The following LZTS2 variants were observed in gnomAD, a reference collection of about 807,000 sequenced individuals.
LZTS2 encodes leucine zipper tumor suppressor 2.
Under a neutral mutation model 60.6 loss-of-function variants are expected in LZTS2, and 32 were observed. The observed-to-expected ratio is 0.53, with a 90% CI of 0.40 to 0.71. LZTS2 has a LOEUF of 0.71. LZTS2 is among the 30% of genes least tolerant of loss of function. The probability of loss-of-function intolerance (pLI) is 0.00; values close to 1 mark genes in which losing one functional copy is unlikely to be tolerated. For synonymous variants in LZTS2, 360 were observed against 393.1 expected, an observed-to-expected ratio of 0.92 and a Z score of 1.00; for missense variants, 792 against 901.9, an observed-to-expected ratio of 0.88 and a Z score of 1.56.
At chr10:100,999,336 G>T (rs189674171), upstream of LZTS2, 781 of 152,388 alleles carry the variant, frequency 5.1e-3, 8 homozygotes, top group Non-Finnish European at 6.4e-3. Flanking sequence ...CGCGGATCGA[G>T]CCTCGGCCTC....
chr10:101,003,528 C>T (rs376515925), exon 2 of LZTS2: 16 of 1,519,138 alleles, frequency 1.1e-5, no homozygotes, highest in Non-Finnish European at 7.9e-6. Flanking sequence ...GATCCTGATC[C>T]GCCCAACAGC....
exon 1 of LZTS2, chr10:101,002,559 G>C (rs767909879): frequency 3.3e-6 from 5 of 1,531,332 alleles, no homozygotes; most frequent in African/African-American, 1.4e-5. Context: ...TGCAGACTCT[G>C]CCAGTGCCAC....
exon 4 of LZTS2, chr10:101,007,460 G>T (rs1224985287): frequency 4.8e-6 from 7 of 1,457,624 alleles, no homozygotes; most frequent in Non-Finnish European, 6.4e-6. Flanking sequence ...GTTCACAGGC[G>T]CTTCCAGCCC....
exon 4 of LZTS2, chr10:101,007,361 G>A (rs776047541): frequency 2.4e-5 from 34 of 1,416,424 alleles, no homozygotes; most frequent in African/African-American, 2.9e-5. Context: ...AGATCAGACC[G>A]CTCAAAGGTC....
At chr10:101,004,036 C>G (rs1160521639) in exon 2 of LZTS2, 4 of 1,613,174 alleles carry the variant, frequency 2.5e-6, no homozygotes, top group Admixed American at 1.7e-5. Context: ...CGCTCACCAC[C>G]ACCCCCGCCT....
At chr10:101,006,948 A>G in exon 4 of LZTS2, 1 of 1,547,114 alleles carries the variant, frequency 6.5e-7, no homozygotes, top group South Asian at 1.2e-5. Flanking sequence ...GACAGCTTTG[A>G]GGGGGAGCGG....
upstream of LZTS2, chr10:100,996,781 G>A (rs1409208899): frequency 1.3e-5 from 2 of 152,326 alleles, no homozygotes; most frequent in Admixed American, 1.3e-4. Flanking sequence ...AGAGTGGACC[G>A]GGTTGGGCTC....
exon 1 of LZTS2, chr10:101,002,532 T>C (rs200639493): frequency 1.3e-4 from 199 of 1,510,228 alleles, no homozygotes; most frequent in Middle Eastern, 3.6e-4. Context: ...CCTGAGCCTC[T>C]GCCACCATGG....
chr10:101,003,450 A>G (rs1590035195), intron 1 of LZTS2, 57 bp from the exon 3 acceptor site: 2 of 1,498,088 alleles, frequency 1.3e-6, no homozygotes, highest in East Asian at 4.6e-5. Context: ...GGAGTGTCAT[A>G]AGGGCTCTGC....
chr10:101,003,608 C>G lies in LZTS2; in HGVS notation c.510C>G (p.Thr170=), dbSNP rs748725968. 1.9e-6 allele frequency: 3 copies of G among 1,597,834 alleles called. No homozygotes were observed. The Admixed American group carries it at 5.1e-5, about 27-fold the overall frequency. ...CTAGCTTCATGGGTCCTCGGGCCAC[C>G]GGGCTGTCTGGGAGCCAGGGCAGCC... Residue 170 remains threonine (T), a synonymous_variant, in exon 2 of 4, where the codon ACC becomes ACG. Coordinates refer to ENST00000370220, the Ensembl canonical transcript of LZTS2.
chr10:101,003,654 C>G, exon 2 of LZTS2: 1 of 1,609,694 alleles, frequency 6.2e-7, no homozygotes, highest in Non-Finnish European at 8.5e-7. Flanking sequence ...GTTTGGGGGC[C>G]CTGCCTCCTC....
At chr10:101,005,361 AC>A in intron 2 of LZTS2, 96 bp from the exon 4 acceptor site, 1 of 1,363,936 alleles carries the variant, frequency 7.3e-7, no homozygotes, top group Non-Finnish European at 9.7e-7. Context: ...AATGGAATCC[AC>A]CCTTCCTGAG....
chr10:100,996,666 G>C (rs1038227801), upstream of LZTS2: 1 of 152,406 alleles, frequency 6.6e-6, no homozygotes, highest in Non-Finnish European at 1.5e-5. Flanking sequence ...GCAGCCCCAC[G>C]CTGAGGTGTG....
chr10:101,003,684 T>C, exon 2 of LZTS2: 1 of 1,612,656 alleles, frequency 6.2e-7, no homozygotes, highest in Non-Finnish European at 8.5e-7. Context: ...TTCCTCCTCC[T>C]CTTCAGCTGC....
Position 101,007,100 on chromosome 10 carries a change from G to A in LZTS2, c.1942G>A (p.Ala648Thr), listed in dbSNP as rs115599650. 5.4e-4 allele frequency: 869 copies of A among 1,611,084 alleles called. 4 individuals carry two copies. The African/African-American group carries it at 9.9e-3, about 18-fold the overall frequency. Residue 648 changes from alanine (A) to threonine (T), a missense_variant, in exon 4 of 4, where the codon GCT (alanine) becomes ACT (threonine). Coordinates refer to ENST00000370220, the Ensembl canonical transcript of LZTS2. ...CCTGGAGCTGGAGGCCCGGGAGCTC[G>A]CTGACCTGGGCCTGGCCGAGCAGGC...
chr10:101,004,240 C>A, intron 2 of LZTS2, 74 bp downstream of exon 3: 1 of 1,496,020 alleles, frequency 6.7e-7, no homozygotes, highest in Admixed American at 2.2e-5. Flanking sequence ...GCGGCATTTC[C>A]ATTTTGGCAG....
intron 2 of LZTS2, 152 bp downstream of exon 3, chr10:101,004,318 G>T (rs1820373954): frequency 5.8e-6 from 5 of 864,998 alleles, no homozygotes; most frequent in Admixed American, 3.2e-5. Context: ...GGTTTAATGT[G>T]TGGAGTAGCC....
rs756061637 is a variant in LZTS2 at position 101,007,054 on chromosome 10, G to A, written c.1896G>A (p.Glu632=). 5 of 1,602,602 alleles carry A rather than the reference G, an allele frequency of 3.1e-6. No individual in the cohort carries two copies. In the African/African-American group the frequency reaches 4.0e-5, roughly 13 times the overall value. ...TGTACCGGCGCAACCGGCAGCTAGA[G>A]CAGGAGCTGCAGCAGCTCAGCCTGG... Residue 632 remains glutamate, a synonymous_variant, in exon 4 of 4, where the codon GAG becomes GAA. Transcript: ENST00000370220.
exon 1 of LZTS2, chr10:101,002,443 G>A: frequency 1.6e-6 from 2 of 1,278,708 alleles, no homozygotes; most frequent in Non-Finnish European, 2.1e-6. Context: ...AGGATCAGTG[G>A]GTCAGGAGGG....
Sources: allele counts gnomAD v4.1 joint callset, GRCh38; gene constraint gnomAD v4.1.1; transcripts MANE v1.5; gene names NCBI Gene and HGNC (gene_info 2026-07-23, HGNC 2026-07-21).